The following CPNE8 variants were observed in gnomAD, a reference collection of about 807,000 sequenced individuals.
CPNE8 encodes the protein copine 8.
CPNE8 carries 45 observed loss-of-function variants against 81.5 expected under a neutral mutation model. That is an observed-to-expected ratio of 0.55 (90% CI 0.44 to 0.71). The LOEUF is 0.71. Ranked by LOEUF, CPNE8 falls within the 30% of genes least tolerant of loss-of-function variation. The probability of loss-of-function intolerance (pLI) is 0.00; values close to 1 mark genes in which losing one functional copy is unlikely to be tolerated. For synonymous variants in CPNE8, 252 were observed against 226.3 expected (o/e 1.11, Z -1.02); for missense variants, 594 against 672.1 (o/e 0.88, Z 1.28).
intron 10 of CPNE8, among the ~76,000 whole-genome samples, chr12:38,738,819 CTTT>C (rs60435915): frequency 7.1e-6 from 1 of 141,398 alleles, no homozygotes; most frequent in Non-Finnish European, 1.5e-5. Flanking sequence ...TTTTTTTTTT[CTTT>C]TTTTTTTTTG....
intron 1 of CPNE8, among the ~76,000 whole-genome samples, chr12:38,880,869 A>G (rs138664216): frequency 1.3e-5 from 2 of 152,268 alleles, no homozygotes; most frequent in African/African-American, 4.8e-5. Context: ...TACAATTTCT[A>G]TAGCAAGGGG....
upstream of CPNE8, chr12:38,905,918 C>T (rs1944564817): frequency 6.1e-6 from 6 of 985,242 alleles, no homozygotes; most frequent in South Asian, 2.3e-4. Flanking sequence ...CCCTACCGTC[C>T]AGGACCGCAA....
At chr12:38,860,232 CA>C (rs368210026) in intron 3 of CPNE8, among the ~76,000 whole-genome samples, 2,069 of 143,106 alleles carry the variant, frequency 0.014, 28 homozygotes, top group Middle Eastern at 0.039. Context: ...TAAAAATAGG[CA>C]AAAAAAAAAC....
At chr12:38,869,814 C>T (rs987802076) in intron 3 of CPNE8, among the ~76,000 whole-genome samples, 3 of 152,132 alleles carry the variant, frequency 2.0e-5, no homozygotes, top group Admixed American at 6.6e-5. Flanking sequence ...TGTTTTCAAA[C>T]CCTTTTTGAT....
In CPNE8 at chr12:38,880,196, TA is replaced by T. The variant is rs1398826196; in HGVS notation, c.99-5686del. Among the ~76,000 whole-genome samples the T allele has an allele frequency of 5.9e-5, 9 of 152,350 alleles. No individual in the cohort carries two copies. The South Asian group carries it at 6.2e-4, about 11-fold the overall frequency. ...TCCCCTGCAAATTGCCCTGTGTCAA[TA>T]AACAGAATGATTCTGGTTTTAATTA... On this transcript the variant is annotated intron_variant, in intron 1 of 19. Transcript: ENST00000331366.
intron 14 of CPNE8, among the ~76,000 whole-genome samples, chr12:38,694,792 A>G (rs930061123): frequency 3.3e-5 from 5 of 152,210 alleles, no homozygotes; most frequent in South Asian, 2.1e-4. Context: ...GTAGCAGCAT[A>G]TGAACCTCAA....
intron 18 of CPNE8, among the ~76,000 whole-genome samples, chr12:38,671,598 A>C (rs1939177521): frequency 6.6e-6 from 1 of 152,094 alleles, no homozygotes; most frequent in Non-Finnish European, 1.5e-5. Context: ...TTAAAGTATA[A>C]TTCTATTACT....
chr12:38,820,547 T>C (rs1450561892), intron 6 of CPNE8, among the ~76,000 whole-genome samples: 2 of 152,194 alleles, frequency 1.3e-5, no homozygotes, highest in Non-Finnish European at 2.9e-5. Context: ...TGGTGAAGTA[T>C]CAAATAAAAC....
intron 13 of CPNE8, among the ~76,000 whole-genome samples, chr12:38,723,264 T>C (rs7316085): frequency 0.055 from 8,420 of 152,218 alleles, 502 homozygotes; most frequent in East Asian, 0.32. Flanking sequence ...TGTCTGGGTT[T>C]TGAAAAATTT....
intron 1 of CPNE8, among the ~76,000 whole-genome samples, chr12:38,904,895 C>G (rs1474677760): frequency 6.6e-6 from 1 of 152,124 alleles, no homozygotes; most frequent in Non-Finnish European, 1.5e-5. Context: ...GCCGAAATCT[C>G]TACCTATCAG....
At chr12:38,860,613 C>T (rs1396078468) in intron 3 of CPNE8, among the ~76,000 whole-genome samples, 3 of 151,042 alleles carry the variant, frequency 2.0e-5, no homozygotes, top group Admixed American at 6.6e-5. Flanking sequence ...CTCCTATGTT[C>T]ATTACAGCAT....
intron 14 of CPNE8, among the ~76,000 whole-genome samples, chr12:38,701,436 A>C (rs1349027575): frequency 6.6e-6 from 1 of 152,032 alleles, no homozygotes; most frequent in Non-Finnish European, 1.5e-5. Flanking sequence ...AGTGAACACA[A>C]TCTAGTATTT....
intron 1 of CPNE8, among the ~76,000 whole-genome samples, chr12:38,902,665 TAGAG>T (rs1171352350): frequency 4.4e-4 from 67 of 152,196 alleles, no homozygotes; most frequent in Non-Finnish European, 1.9e-4. Flanking sequence ...TCAAAGAAGA[TAGAG>T]AAAGCGGGAA....
chr12:38,764,213 A>G (rs1941629882), intron 8 of CPNE8, among the ~76,000 whole-genome samples: 1 of 152,186 alleles, frequency 6.6e-6, no homozygotes, highest in Non-Finnish European at 1.5e-5. Flanking sequence ...TTGAAGGGTA[A>G]TGAAGATGTC....
In CPNE8 at chr12:38,829,371, A is replaced by G. The variant is rs1329987334; in HGVS notation, c.407+8T>C. 1 of 1,590,530 alleles carries G rather than the reference A, an allele frequency of 6.3e-7. No individual in the cohort carries two copies. The highest frequency in any genetic ancestry group is 8.6e-7 in the Non-Finnish European group (1 of 1,158,784). On this transcript the variant is annotated splice_region_variant and intron_variant, in intron 6 of 19. Coordinates refer to ENST00000331366, the MANE Select transcript of CPNE8 (RefSeq NM_153634.3). ...GGCATTTCATTGTCTGAATTAAAAA[A>G]TACTTACACTATTGGTTTTTCCAGG...
At chr12:38,894,548 G>A (rs1291743774) in intron 1 of CPNE8, among the ~76,000 whole-genome samples, 9 of 151,826 alleles carry the variant, frequency 5.9e-5, no homozygotes, top group Non-Finnish European at 1.3e-4. Context: ...CAGATAATAA[G>A]CTATATCTAA....
chr12:38,747,564 A>G (rs1941256179), intron 10 of CPNE8, among the ~76,000 whole-genome samples: 2 of 152,130 alleles, frequency 1.3e-5, no homozygotes, highest in South Asian at 4.1e-4. Flanking sequence ...AATCTTTCTG[A>G]TGGTTGATAC....
At chr12:38,833,109 T>C (rs1475491343) in intron 5 of CPNE8, among the ~76,000 whole-genome samples, 1 of 151,988 alleles carries the variant, frequency 6.6e-6, no homozygotes, top group Admixed American at 6.6e-5. Flanking sequence ...TCCCAGCACT[T>C]TGGGAGGCCG....
rs1939514282 is a variant in CPNE8 at position 38,685,569 on chromosome 12, C to T, written c.1192G>A (p.Glu398Lys). 1 of 1,613,572 alleles carries T rather than the reference C, an allele frequency of 6.2e-7. No individual in the cohort carries two copies. The highest frequency in any genetic ancestry group is 8.5e-7 in the Non-Finnish European group (1 of 1,179,666). ...GATTTCAGACTCCTGTAATAAGCCT[C>T]CATGACCCCCTCAATGCCATCACAG... is the stretch of plus-strand genomic sequence containing the variant. ...PYCDGIEGVM[E>K]AYYRSLKSVQ... Residue 398 changes from glutamate (E) to lysine (K), a missense_variant, in exon 16 of 20, where the codon GAG becomes AAG. Coordinates refer to ENST00000331366, the MANE Select transcript of CPNE8 (RefSeq NM_153634.3).
Sources: gnomAD v4.1 joint callset for allele counts (sites outside exome capture counted in the v4.1 genomes callset) on GRCh38, gnomAD v4.1.1 for gene constraint, MANE v1.5 for transcripts, NCBI Gene and HGNC (gene_info 2026-07-23, HGNC 2026-07-21) for gene names.